CLNK: variants seen among roughly 807,000 people sequenced by gnomAD.
CLNK encodes the protein cytokine dependent hematopoietic cell linker.
Under a neutral mutation model 68.6 loss-of-function variants are expected in CLNK, and 74 were observed. That is an observed-to-expected ratio of 1.08 (90% confidence interval 0.89 to 1.31). The LOEUF is 1.31. Ranked by LOEUF, CLNK falls within the 50% of genes most tolerant of loss-of-function variation. CLNK has a pLI of 0.00. For missense variants in CLNK, 553 were observed against 515.3 expected (o/e 1.07, Z -0.71); for synonymous variants, 198 against 172.2 (o/e 1.15, Z -1.17).
At chr4:10,716,221 G>GT in the CLNK span, among the ~76,000 whole-genome samples, 2 of 152,068 alleles carry the variant, frequency 1.3e-5, no homozygotes, top group African/African-American at 2.4e-5. Flanking sequence ...CTTTTTCCTT[G>GT]TTTTTTCACC....
At chr4:10,722,533 T>A in the CLNK span, among the ~76,000 whole-genome samples, 2 of 152,038 alleles carry the variant, frequency 1.3e-5, no homozygotes, top group Non-Finnish European at 2.9e-5. Flanking sequence ...TAGCAGGGGG[T>A]GAATGACCTG....
intron 2 of CLNK, among the ~76,000 whole-genome samples, chr4:10,628,309 CTTG>C (rs1459446278): frequency 1.1e-5 from 1 of 89,858 alleles, no homozygotes; most frequent in Non-Finnish European, 2.7e-5. Flanking sequence ...TTTAGTTAGA[CTTG>C]TTTTTTTTTT....
chr4:10,560,015 C>T (rs963182454), intron 7 of CLNK, among the ~76,000 whole-genome samples: 8 of 152,044 alleles, frequency 5.3e-5, no homozygotes, highest in Non-Finnish European at 1.0e-4. Flanking sequence ...TCAAAAGTCC[C>T]CTGGGGGGCA....
the CLNK span, among the ~76,000 whole-genome samples, chr4:10,699,501 T>G: frequency 3.3e-5 from 1 of 30,600 alleles, no homozygotes; most frequent in Non-Finnish European, 7.0e-5. Context: ...TCTCTATATA[T>G]ATATATATAT....
chr4:10,648,379 GT>G (rs1723594843), intron 2 of CLNK, among the ~76,000 whole-genome samples: 1 of 152,158 alleles, frequency 6.6e-6, no homozygotes, highest in Admixed American at 6.6e-5. Flanking sequence ...TAAAAATTAA[GT>G]GTCATGCAAT....
chr4:10,518,877 C>T (rs539791292), intron 15 of CLNK, among the ~76,000 whole-genome samples: 2 of 152,236 alleles, frequency 1.3e-5, no homozygotes, highest in African/African-American at 4.8e-5. Flanking sequence ...GTAGAGACTG[C>T]GTGTTGTTTT....
At chr4:10,598,741 C>G (rs1721477540) in intron 2 of CLNK, 3 of 395,150 alleles carry the variant, frequency 7.6e-6, no homozygotes, top group South Asian at 5.4e-5. Context: ...TTTAATCAGC[C>G]ACGTTTCCCA....
intron 2 of CLNK, among the ~76,000 whole-genome samples, chr4:10,655,710 T>A (rs1482360638): frequency 7.1e-6 from 1 of 140,724 alleles, no homozygotes. Context: ...AGTGCAGTGG[T>A]GCGATCTCGG....
chr4:10,607,935 T>A (rs1054226739), intron 2 of CLNK, among the ~76,000 whole-genome samples: 1 of 152,210 alleles, frequency 6.6e-6, no homozygotes, highest in Admixed American at 6.5e-5. Flanking sequence ...CCATGGTGGA[T>A]AATCATGAAA....
chr4:10,649,165 T>C (rs1029154370), intron 2 of CLNK, among the ~76,000 whole-genome samples: 1 of 152,156 alleles, frequency 6.6e-6, no homozygotes, highest in East Asian at 1.9e-4. Context: ...AAAATCCTAC[T>C]TCCTTCTATT....
At chr4:10,714,048 C>G in the CLNK span, among the ~76,000 whole-genome samples, 2 of 152,140 alleles carry the variant, frequency 1.3e-5, no homozygotes, top group African/African-American at 4.8e-5. Context: ...TTCCATGTTA[C>G]AAGCCTAGAC....
chr4:10,700,740 G>C, the CLNK span, among the ~76,000 whole-genome samples: 1 of 152,004 alleles, frequency 6.6e-6, no homozygotes, highest in East Asian at 1.9e-4. Flanking sequence ...AGCATGGGTG[G>C]GGAAAATTAC....
At chr4:10,518,057 A>T (rs1717911581) in intron 15 of CLNK, among the ~76,000 whole-genome samples, 1 of 151,872 alleles carries the variant, frequency 6.6e-6, no homozygotes, top group East Asian at 1.9e-4. Flanking sequence ...TTATAACCCC[A>T]TGAAATAGGA....
intron 2 of CLNK, chr4:10,635,780 G>C (rs1420666556): frequency 6.6e-6 from 1 of 152,202 alleles, no homozygotes; most frequent in Non-Finnish European, 1.5e-5. Context: ...TAGATACCTT[G>C]TCCAAAGTTA....
chr4:10,673,655 C>T (rs766564609), intron 1 of CLNK, among the ~76,000 whole-genome samples: 1 of 143,478 alleles, frequency 7.0e-6, no homozygotes, highest in Non-Finnish European at 1.5e-5. Flanking sequence ...ACATCACACA[C>T]TGGGGCCTGT....
At chr4:10,665,509 G>T (rs1460951227) in intron 2 of CLNK, among the ~76,000 whole-genome samples, 1 of 151,812 alleles carries the variant, frequency 6.6e-6, no homozygotes. Context: ...ACTAAAAATA[G>T]AAAAATTAGC....
At chr4:10,692,149 C>T in the CLNK span, 42,608 of 151,782 alleles carry the variant, frequency 0.28, 6,317 homozygotes, top group Admixed American at 0.33. Context: ...GAGTAACTGA[C>T]GCTTTTTCCA....
At chr4:10,548,657 A>G (rs977972414) in intron 8 of CLNK, among the ~76,000 whole-genome samples, 1 of 152,086 alleles carries the variant, frequency 6.6e-6, no homozygotes, top group Non-Finnish European at 1.5e-5. Context: ...AGTTGATTTA[A>G]TCCACCCCAA....
the CLNK span, among the ~76,000 whole-genome samples, chr4:10,692,652 G>C: frequency 2.0e-5 from 3 of 152,192 alleles, no homozygotes; most frequent in African/African-American, 7.2e-5. Flanking sequence ...TTTTCAAAAT[G>C]CATGCTACGT....
Sources: gnomAD v4.1 joint callset for allele counts (sites outside exome capture counted in the v4.1 genomes callset) on GRCh38, gnomAD v4.1.1 for gene constraint, MANE v1.5 for transcripts, NCBI Gene and HGNC (gene_info 2026-07-23, HGNC 2026-07-21) for gene names.